Variants in HORMAD2 observed in about 807,000 individuals in gnomAD.
The protein encoded by HORMAD2 is HORMA domain containing 2.
A neutral mutation model predicts 38.8 loss-of-function variants in HORMAD2; 45 were observed. That is an observed-to-expected ratio of 1.16 (90% CI 0.91 to 1.49). The LOEUF (loss-of-function observed/expected upper bound fraction) is 1.49. Ranked by LOEUF, HORMAD2 falls within the 40% of genes most tolerant of loss-of-function variation. The probability of loss-of-function intolerance (pLI) is 0.00; values close to 1 mark genes in which losing one functional copy is unlikely to be tolerated. For synonymous variants in HORMAD2, 126 were observed against 122.8 expected (o/e 1.03, Z -0.17); for missense variants, 338 against 367.0 (o/e 0.92, Z 0.65).
At chr22:30,162,383 C>A (rs1441874749) in intron 10 of HORMAD2, among the ~76,000 whole-genome samples, 1 of 151,970 alleles carries the variant, frequency 6.6e-6, no homozygotes, top group African/African-American at 2.4e-5. Context: ...CCACTAGCCA[C>A]ATGTGGCTAT....
At chr22:30,090,932 AATTT>A (rs1395833910) in intron 1 of HORMAD2, among the ~76,000 whole-genome samples, 4 of 152,162 alleles carry the variant, frequency 2.6e-5, no homozygotes, top group Non-Finnish European at 5.9e-5. Context: ...AGAACAATAT[AATTT>A]ATTCTCCTAT....
At chr22:30,140,216 A>G (rs1923982326) in intron 10 of HORMAD2, among the ~76,000 whole-genome samples, 1 of 152,158 alleles carries the variant, frequency 6.6e-6, no homozygotes, top group Non-Finnish European at 1.5e-5. Flanking sequence ...GTGAGCTGAG[A>G]TAGCGCCAGT....
At chr22:30,113,040 T>C (rs970299488) in intron 7 of HORMAD2, among the ~76,000 whole-genome samples, 5 of 152,140 alleles carry the variant, frequency 3.3e-5, no homozygotes, top group Non-Finnish European at 7.4e-5. Flanking sequence ...CTTCTCTCTT[T>C]AGATTTCTTC....
rs1922459851 is a variant in HORMAD2, at chr22:30,121,802, CTTTAGGCAAA to C, written c.568+16_568+25del. 1.9e-6 allele frequency: 3 copies of C among 1,597,130 alleles called. No individual in the cohort carries two copies. Among genetic ancestry groups the C allele is most frequent in the Non-Finnish European group, 2.6e-6 (3 of 1,174,492 alleles). The stretch of plus-strand genomic sequence containing the variant: ...TACTATAATGCAGGTAGGTAGAGAA[CTTTAGGCAAA>C]TTCCTCCTTAAGTGCTGAGCTAATA... On this transcript the variant is annotated intron_variant, in intron 9 of 10. Coordinates refer to ENST00000336726, the MANE Select transcript of HORMAD2 (RefSeq NM_152510.4).
At chr22:30,155,691 T>C (rs1189431466) in intron 10 of HORMAD2, among the ~76,000 whole-genome samples, 1 of 152,200 alleles carries the variant, frequency 6.6e-6, no homozygotes, top group Non-Finnish European at 1.5e-5. Context: ...TTTATGTATC[T>C]ATATGAAAAC....
chr22:30,115,706 T>C (rs1268402079), intron 7 of HORMAD2, among the ~76,000 whole-genome samples: 1 of 152,094 alleles, frequency 6.6e-6, no homozygotes, highest in African/African-American at 2.4e-5. Context: ...AATAAATAAA[T>C]AAAAATTAGT....
intron 10 of HORMAD2, among the ~76,000 whole-genome samples, chr22:30,141,158 C>A (rs1340803656): frequency 6.6e-6 from 1 of 151,730 alleles, no homozygotes; most frequent in African/African-American, 2.4e-5. Flanking sequence ...CCACCATGTC[C>A]AGCTAATTTT....
chr22:30,171,701 T>C (rs367976380), intron 10 of HORMAD2, among the ~76,000 whole-genome samples: 141 of 152,286 alleles, frequency 9.3e-4, no homozygotes, highest in African/African-American at 3.4e-3. Context: ...GATACAAATG[T>C]AACCAAGACA....
At chr22:30,122,726 G>C (rs1922548444) in intron 10 of HORMAD2, among the ~76,000 whole-genome samples, 1 of 152,136 alleles carries the variant, frequency 6.6e-6, no homozygotes, top group African/African-American at 2.4e-5. Context: ...CAGGGGGTTG[G>C]TGGGGTTGGA....
At chr22:30,110,824 G>A (rs575562985) in intron 5 of HORMAD2, among the ~76,000 whole-genome samples, 4 of 152,150 alleles carry the variant, frequency 2.6e-5, no homozygotes, top group Non-Finnish European at 5.9e-5. Context: ...TTGGCCCTCT[G>A]TATCTGTGGC....
chr22:30,163,300 G>A (rs1925566999), intron 10 of HORMAD2, among the ~76,000 whole-genome samples: 1 of 152,118 alleles, frequency 6.6e-6, no homozygotes, highest in African/African-American at 2.4e-5. Context: ...ACACCTAGGG[G>A]GCCAGAAGAT....
chr22:30,116,241 G>A (rs887760320), intron 7 of HORMAD2, among the ~76,000 whole-genome samples: 2 of 152,110 alleles, frequency 1.3e-5, no homozygotes, highest in African/African-American at 4.8e-5. Flanking sequence ...CCAGAGATAA[G>A]GTTAGAGAGG....
chr22:30,121,285 A>G (rs1206911168), intron 8 of HORMAD2, among the ~76,000 whole-genome samples: 2 of 152,198 alleles, frequency 1.3e-5, no homozygotes, highest in Admixed American at 1.3e-4. Context: ...GTGTGTCTAA[A>G]TGACTTGACC....
chr22:30,199,440 G>A, the HORMAD2 span, among the ~76,000 whole-genome samples: 1 of 152,194 alleles, frequency 6.6e-6, no homozygotes, highest in Non-Finnish European at 1.5e-5. Context: ...TGAACAAGGA[G>A]ATTCTCTTTA....
chr22:30,138,378 G>C (rs1290892120), intron 10 of HORMAD2, among the ~76,000 whole-genome samples: 1 of 151,680 alleles, frequency 6.6e-6, no homozygotes, highest in Non-Finnish European at 1.5e-5. Flanking sequence ...ATGTTTCCTG[G>C]GCTGGTCTCG....
chr22:30,153,031 T>C (rs1342232193), intron 10 of HORMAD2, among the ~76,000 whole-genome samples: 1 of 152,150 alleles, frequency 6.6e-6, no homozygotes, highest in Non-Finnish European at 1.5e-5. Flanking sequence ...TATTCACCAC[T>C]GCCTTCCCTT....
At chr22:30,164,061 T>C (rs1406619310) in intron 10 of HORMAD2, among the ~76,000 whole-genome samples, 3 of 152,216 alleles carry the variant, frequency 2.0e-5, no homozygotes, top group Non-Finnish European at 2.9e-5. Context: ...TTTGTTCTTT[T>C]TTGACTGGCT....
At chr22:30,080,654 A>G (rs2068454053) in intron 1 of HORMAD2, among the ~76,000 whole-genome samples, 163 bp downstream of exon 1, 1 of 152,196 alleles carries the variant, frequency 6.6e-6, no homozygotes, top group Non-Finnish European at 1.5e-5. Flanking sequence ...AGTACTGTGA[A>G]GAGAATCGGG....
intron 10 of HORMAD2, among the ~76,000 whole-genome samples, chr22:30,135,691 C>T (rs1056793196): frequency 1.3e-5 from 2 of 152,090 alleles, no homozygotes; most frequent in African/African-American, 4.8e-5. Flanking sequence ...CCTTCTCGAA[C>T]ACTCAGAACA....
Sources: gnomAD v4.1 joint callset for allele counts (sites outside exome capture counted in the v4.1 genomes callset) on GRCh38, gnomAD v4.1.1 for gene constraint, MANE v1.5 for transcripts, NCBI Gene and HGNC (gene_info 2026-07-23, HGNC 2026-07-21) for gene names.